LRRTM4: variants seen among roughly 807,000 people sequenced by gnomAD.
LRRTM4 encodes the protein leucine-rich repeat transmembrane neuronal protein 4.
LRRTM4 carries 25 observed loss-of-function variants against 47.6 expected under a neutral mutation model. That is an observed-to-expected ratio of 0.53 (90% CI 0.38 to 0.73). The LOEUF is 0.73. Ranked by LOEUF, LRRTM4 falls within the 30% of genes least tolerant of loss-of-function variation. LRRTM4 has a pLI of 0.00. For synonymous variants in LRRTM4, 311 were observed against 269.5 expected (o/e 1.15, Z -1.51); for missense variants, 638 against 713.4 (o/e 0.89, Z 1.20).
At chr2:76,807,415 TATATATATAC>T (rs1670528809) in intron 3 of LRRTM4, among the ~76,000 whole-genome samples, 2 of 89,500 alleles carry the variant, frequency 2.2e-5, no homozygotes, top group African/African-American at 9.9e-5. Flanking sequence ...TACGTATATA[TATATATATAC>T]ATATATATAT....
intron 3 of LRRTM4, among the ~76,000 whole-genome samples, chr2:77,265,942 C>T (rs150627412): frequency 6.6e-6 from 1 of 152,102 alleles, no homozygotes; most frequent in African/African-American, 2.4e-5. Flanking sequence ...GTAAGCATAA[C>T]ATTACTTGTT....
At chr2:77,395,997 AT>A (rs1387788717) in intron 3 of LRRTM4, among the ~76,000 whole-genome samples, 1 of 151,844 alleles carries the variant, frequency 6.6e-6, no homozygotes, top group Non-Finnish European at 1.5e-5. Flanking sequence ...TCATTATTAT[AT>A]TTTATATTTT....
chr2:77,399,373 CA>C (rs1673846573), intron 3 of LRRTM4, among the ~76,000 whole-genome samples: 1 of 151,648 alleles, frequency 6.6e-6, no homozygotes, highest in Admixed American at 6.6e-5. Context: ...CCGCAATTTT[CA>C]AAAATTGGCA....
At chr2:77,467,061 C>T (rs1428830978) in intron 3 of LRRTM4, among the ~76,000 whole-genome samples, 1 of 152,102 alleles carries the variant, frequency 6.6e-6, no homozygotes, top group African/African-American at 2.4e-5. Flanking sequence ...AATTAAATAA[C>T]TAAATTTCAC....
chr2:76,776,264 TATATACCCA>T (rs894815149), intron 3 of LRRTM4, among the ~76,000 whole-genome samples: 21 of 152,164 alleles, frequency 1.4e-4, no homozygotes, highest in African/African-American at 3.6e-4. Context: ...ATCCTTTGGG[TATATACCCA>T]GTAATGGGAT....
chr2:77,243,410 C>CAAAAAA (rs1558649815), intron 3 of LRRTM4, among the ~76,000 whole-genome samples: 1 of 59,796 alleles, frequency 1.7e-5, no homozygotes, highest in Non-Finnish European at 3.1e-5. Context: ...AACTCCGTCT[C>CAAAAAA]AAAATAAAAA....
chr2:76,978,320 T>A (rs1676486056), intron 3 of LRRTM4, among the ~76,000 whole-genome samples: 1 of 152,064 alleles, frequency 6.6e-6, no homozygotes, highest in South Asian at 2.1e-4. Flanking sequence ...TAGATACAGA[T>A]AAACAGAATG....
At chr2:76,858,360 T>C (rs1012142169) in intron 3 of LRRTM4, among the ~76,000 whole-genome samples, 5 of 152,180 alleles carry the variant, frequency 3.3e-5, no homozygotes, top group Non-Finnish European at 7.4e-5. Context: ...TTTTCCGACC[T>C]GAAGTCAAAC....
chr2:76,801,553 T>C (rs932306268), intron 3 of LRRTM4, among the ~76,000 whole-genome samples: 11 of 151,978 alleles, frequency 7.2e-5, no homozygotes, highest in South Asian at 2.1e-4. Context: ...TTAGGAGATA[T>C]ACCTAATGCT....
At chr2:77,207,494 G>T (rs1215858188) in intron 3 of LRRTM4, among the ~76,000 whole-genome samples, 1 of 151,604 alleles carries the variant, frequency 6.6e-6, no homozygotes, top group African/African-American at 2.4e-5. Flanking sequence ...TGTCATCAGA[G>T]TGAGCTTATA....
At chr2:77,139,015 T>C (rs1196327162) in intron 3 of LRRTM4, among the ~76,000 whole-genome samples, 4 of 152,112 alleles carry the variant, frequency 2.6e-5, no homozygotes, top group Non-Finnish European at 5.9e-5. Context: ...CAGGGCCAGA[T>C]GGATTCACAG....
intron 3 of LRRTM4, among the ~76,000 whole-genome samples, chr2:76,798,340 C>T (rs1675468302): frequency 6.6e-6 from 1 of 152,030 alleles, no homozygotes; most frequent in Non-Finnish European, 1.5e-5. Flanking sequence ...CAACCTGCTC[C>T]TGAATGACTA....
At chr2:77,390,942 T>C (rs1673479510) in intron 3 of LRRTM4, among the ~76,000 whole-genome samples, 1 of 151,516 alleles carries the variant, frequency 6.6e-6, no homozygotes, top group Non-Finnish European at 1.5e-5. Flanking sequence ...AGAGAAGAAA[T>C]AACTGAAAAA....
chr2:77,066,232 C>G (rs549785194), intron 3 of LRRTM4, among the ~76,000 whole-genome samples: 1 of 151,046 alleles, frequency 6.6e-6, no homozygotes, highest in African/African-American at 2.4e-5. Context: ...CAATATAGTA[C>G]GTAGGTTTTT....
At chr2:77,360,625 G>C (rs1428860001) in intron 3 of LRRTM4, among the ~76,000 whole-genome samples, 1 of 151,534 alleles carries the variant, frequency 6.6e-6, no homozygotes, top group East Asian at 1.9e-4. Context: ...TAATGAACTA[G>C]CCCACAAAAG....
At chr2:76,833,797 G>A (rs1202551808) in intron 3 of LRRTM4, among the ~76,000 whole-genome samples, 1 of 151,506 alleles carries the variant, frequency 6.6e-6, no homozygotes, top group African/African-American at 2.4e-5. Context: ...TTTTTTCTTA[G>A]AGAAAATAGC....
rs1418177437 is a variant in LRRTM4, at chr2:77,086,511, C to A, written c.1552-337595G>T. Among the ~76,000 whole-genome samples the A allele has an allele frequency of 1.3e-4, 17 of 132,132 alleles. No homozygotes were observed. The Admixed American group carries it at 1.4e-3, about 11-fold the overall frequency. 86.7% of individuals were successfully genotyped at this position (132,132 alleles called of 152,430 possible). ...TTTTTTTTTGAAATGGAGTTTCGCT[C>A]TTTTTGCCCAGGCTGGAGGGCAATG... On this transcript the variant is annotated intron_variant, in intron 3 of 3. Transcript: ENST00000409884.
chr2:77,159,270 C>T (rs1344121487), intron 3 of LRRTM4, among the ~76,000 whole-genome samples: 5 of 152,058 alleles, frequency 3.3e-5, no homozygotes, highest in African/African-American at 1.2e-4. Flanking sequence ...AGAAATCTTA[C>T]TGAGATAAAC....
At chr2:77,438,546 A>G (rs1198533963) in intron 3 of LRRTM4, among the ~76,000 whole-genome samples, 2 of 151,598 alleles carry the variant, frequency 1.3e-5, no homozygotes, top group African/African-American at 2.4e-5. Context: ...AGCTGGGACT[A>G]CAGGCGCCTG....
Sources: allele counts gnomAD v4.1 joint callset (sites outside exome capture counted in the v4.1 genomes callset), GRCh38; gene constraint gnomAD v4.1.1; transcripts MANE v1.5; gene names NCBI Gene and HGNC (gene_info 2026-07-23, HGNC 2026-07-21).